The following IGFL2 variants were observed in gnomAD, a reference collection of about 807,000 sequenced individuals.
The protein encoded by IGFL2 is IGF like family member 2, also known as insulin growth factor-like family member 2.
IGFL2 carries 7 observed loss-of-function variants against 13.9 expected under a neutral mutation model. The ratio of observed to expected loss-of-function variants is 0.51; its 90% CI spans 0.29 to 0.95. The LOEUF (loss-of-function observed/expected upper bound fraction) is 0.95. Among genes scored for constraint, IGFL2 ranks in the 40% least tolerant of loss-of-function variants. The pLI is 0.08. For synonymous variants in IGFL2, 55 were observed against 55.8 expected (o/e 0.99, Z 0.07); for missense variants, 138 against 147.8 (o/e 0.93, Z 0.34).
upstream of IGFL2, among the ~76,000 whole-genome samples, chr19:46,140,340 G>A (rs1235621876): frequency 6.6e-6 from 1 of 151,980 alleles, no homozygotes; most frequent in African/African-American, 2.4e-5. Flanking sequence ...CATATGTTAG[G>A]TCATAAAGAA....
chr19:46,109,247 G>A, the IGFL2 span, among the ~76,000 whole-genome samples: 1 of 152,146 alleles, frequency 6.6e-6, no homozygotes, highest in Non-Finnish European at 1.5e-5. Flanking sequence ...ATGGAGTTAG[G>A]AGCAATGTTT....
At chr19:46,204,263 C>G in the IGFL2 span, 1 of 152,280 alleles carries the variant, frequency 6.6e-6, no homozygotes, top group Non-Finnish European at 1.5e-5. Context: ...CTGAGGCCAG[C>G]CCCCGGGTGC....
chr19:46,176,054 CA>C, the IGFL2 span, among the ~76,000 whole-genome samples: 1 of 132,740 alleles, frequency 7.5e-6, no homozygotes, highest in Non-Finnish European at 1.6e-5. Context: ...GGGGTTTCAC[CA>C]CGTTGGTCAG....
At chr19:46,134,839 G>T in the IGFL2 span, among the ~76,000 whole-genome samples, 1 of 152,150 alleles carries the variant, frequency 6.6e-6, no homozygotes, top group African/African-American at 2.4e-5. Flanking sequence ...ACCAGTCCAT[G>T]GCCTGTGGGT....
the IGFL2 span, among the ~76,000 whole-genome samples, chr19:46,093,740 A>G: frequency 2.0e-5 from 3 of 152,226 alleles, no homozygotes; most frequent in Non-Finnish European, 4.4e-5. Flanking sequence ...TCTGTAGACT[A>G]TAAACAATAG....
At chr19:46,097,115 G>A in the IGFL2 span, among the ~76,000 whole-genome samples, 9 of 152,268 alleles carry the variant, frequency 5.9e-5, no homozygotes, top group Non-Finnish European at 1.3e-4. Context: ...TGTACCTCTG[G>A]TAGAATTCAG....
At chr19:46,079,600 C>G in the IGFL2 span, among the ~76,000 whole-genome samples, 1 of 152,198 alleles carries the variant, frequency 6.6e-6, no homozygotes, top group Non-Finnish European at 1.5e-5. Flanking sequence ...TTTGGAAACG[C>G]CTGTACGTCG....
chr19:46,119,384 GA>G, the IGFL2 span, among the ~76,000 whole-genome samples: 1 of 152,144 alleles, frequency 6.6e-6, no homozygotes. Context: ...CCAGAGGTCT[GA>G]GAACCTGCCC....
At position 46,161,234 on chromosome 19, in the gene IGFL2, A is replaced by ACATGG. The variant is rs1335756349; in HGVS notation, c.*147_*151dup. 2 of 627,622 alleles carry ACATGG rather than the reference A, an allele frequency of 3.2e-6. No homozygotes were observed. Among genetic ancestry groups the ACATGG allele is most frequent in the East Asian group, 5.5e-5 (2 of 36,326 alleles). The allele number at this position is 627,622 out of a possible 1,614,324, so 38.9% of individuals were successfully genotyped here. A position where few individuals can be genotyped will look rare whatever the true frequency, so the allele number is the denominator to read the frequency against. ...ATGGCCCATGTGGGAGACTGATGGG[A>ACATGG]CATGGAGAATGACAGTAGATTATCA... is the stretch of plus-strand genomic sequence containing the variant. On this transcript the variant is annotated 3_prime_UTR_variant, in exon 4 of 4. Coordinates refer to ENST00000377693, the MANE Select transcript of IGFL2 (RefSeq NM_001135113.2).
At chr19:46,099,225 C>G in the IGFL2 span, among the ~76,000 whole-genome samples, 1 of 152,134 alleles carries the variant, frequency 6.6e-6, no homozygotes, top group South Asian at 2.1e-4. Flanking sequence ...TTGTAGGTGA[C>G]CTGGCCTTTC....
the IGFL2 span, chr19:46,137,621 G>A: frequency 2.2e-6 from 2 of 898,174 alleles, no homozygotes; most frequent in Non-Finnish European, 1.8e-6. Context: ...TCAGTGCAGA[G>A]GAGCAGGACC....
the IGFL2 span, among the ~76,000 whole-genome samples, chr19:46,178,301 G>GT: frequency 6.6e-6 from 1 of 151,664 alleles, no homozygotes; most frequent in South Asian, 2.1e-4. Context: ...AATAGAGATC[G>GT]TAAGGCTAAC....
chr19:46,112,484 T>C, the IGFL2 span, among the ~76,000 whole-genome samples: 1 of 152,192 alleles, frequency 6.6e-6, no homozygotes, highest in Non-Finnish European at 1.5e-5. Context: ...TCTCTGGACA[T>C]TGCTGTGTTT....
the IGFL2 span, among the ~76,000 whole-genome samples, chr19:46,184,709 A>G: frequency 2.0e-5 from 3 of 152,244 alleles, no homozygotes; most frequent in Admixed American, 6.5e-5. Context: ...CAGTGCCACA[A>G]TAAACATACA....
chr19:46,117,573 G>A, the IGFL2 span, among the ~76,000 whole-genome samples: 1,337 of 152,122 alleles, frequency 8.8e-3, 20 homozygotes, highest in African/African-American at 0.03. Context: ...CAAACTCCTG[G>A]GCCCAAGGGA....
chr19:46,153,985 T>G (rs1171135040), intron 1 of IGFL2, among the ~76,000 whole-genome samples: 1 of 152,028 alleles, frequency 6.6e-6, no homozygotes, highest in African/African-American at 2.4e-5. Context: ...GCTGCTTCCC[T>G]TTTCCCCCAA....
intron 1 of IGFL2, among the ~76,000 whole-genome samples, chr19:46,151,932 A>G (rs908489634): frequency 1.3e-5 from 2 of 152,138 alleles, no homozygotes; most frequent in Admixed American, 6.5e-5. Context: ...TTTGATATGG[A>G]TTGCATTGAT....
the IGFL2 span, among the ~76,000 whole-genome samples, chr19:46,116,576 T>C: frequency 6.6e-6 from 1 of 152,366 alleles, no homozygotes; most frequent in Non-Finnish European, 1.5e-5. Flanking sequence ...GAGGTTTCAC[T>C]CTGTTGCACA....
the IGFL2 span, among the ~76,000 whole-genome samples, chr19:46,130,015 A>T: frequency 6.6e-6 from 1 of 152,108 alleles, no homozygotes; most frequent in Admixed American, 6.5e-5. Flanking sequence ...GAAGGTCTCA[A>T]AGAGCTTGCT....
Sources: allele counts gnomAD v4.1 joint callset (sites outside exome capture counted in the v4.1 genomes callset), GRCh38; gene constraint gnomAD v4.1.1; transcripts MANE v1.5; gene names NCBI Gene and HGNC (gene_info 2026-07-23, HGNC 2026-07-21).